Variants in NIN observed in about 807,000 individuals in gnomAD.
NIN encodes the protein glycogen synthase kinase 3 beta-interacting protein.
NIN carries 137 observed loss-of-function variants against 257.6 expected under a neutral mutation model. The ratio of observed to expected loss-of-function variants is 0.53; its 90% CI spans 0.46 to 0.61. The LOEUF (loss-of-function observed/expected upper bound fraction) is 0.61, where lower values mean the gene tolerates loss of function less well. NIN is among the 20% of genes least tolerant of loss of function. NIN has a pLI of 0.00. For missense variants in NIN, 2,439 were observed against 2,501.2 expected (o/e 0.98, Z 0.53); for synonymous variants, 918 against 919.8 (o/e 1.00, Z 0.04).
At chr14:50,762,372 C>A (rs759942650) in intron 15 of NIN, among the ~76,000 whole-genome samples, 8 of 152,176 alleles carry the variant, frequency 5.3e-5, no homozygotes, top group Non-Finnish European at 8.8e-5. Flanking sequence ...GAGGAGTTAG[C>A]TTCATGGGTC....
intron 2 of NIN, among the ~76,000 whole-genome samples, chr14:50,827,623 G>A (rs1465940638): frequency 6.6e-6 from 1 of 151,176 alleles, no homozygotes; most frequent in Non-Finnish European, 1.5e-5. Flanking sequence ...TAGGTGTGGT[G>A]GCGCACACCT....
At chr14:50,740,622 A>G (rs2041238014) in intron 25 of NIN, among the ~76,000 whole-genome samples, 1 of 152,152 alleles carries the variant, frequency 6.6e-6, no homozygotes, top group Non-Finnish European at 1.5e-5. Flanking sequence ...TGCTGGGATT[A>G]CAAGCGTGAG....
rs2040246274 is a variant in NIN at position 50,720,295 on chromosome 14, T to G, written c.*3168A>C. On this transcript the variant is annotated 3_prime_UTR_variant, in exon 31 of 31. Transcript: ENST00000530997. ...CTTGCTTAATACTATCACAAAGCAC[T>G]TAGCCTTGCCTTGACTGGAAATACC... The G allele has an allele frequency of 4.5e-6, 1 of 221,654 alleles. No homozygotes were observed. The highest frequency in any genetic ancestry group is 2.2e-5 in the African/African-American group (1 of 44,722). The allele number at this position is 221,654 out of a possible 1,614,324, so 13.7% of individuals were successfully genotyped here. A position where few individuals can be genotyped will look rare whatever the true frequency, so the allele number is the denominator to read the frequency against.
intron 2 of NIN, among the ~76,000 whole-genome samples, chr14:50,828,524 A>G (rs2045564435): frequency 6.6e-6 from 1 of 152,220 alleles, no homozygotes; most frequent in Non-Finnish European, 1.5e-5. Context: ...TAGAATTCAA[A>G]CCAGATAATT....
intron 2 of NIN, chr14:50,823,341 A>G (rs1269588631): frequency 7.6e-6 from 4 of 525,550 alleles, no homozygotes; most frequent in Admixed American, 2.4e-5. Context: ...CTTTGACTAT[A>G]AAAAAAGCAG....
At position 50,753,315 on chromosome 14, in the gene NIN, G is replaced by A. The variant is rs151225714; in HGVS notation, c.4735-582C>T. On this transcript the variant is annotated intron_variant, in intron 20 of 30. Coordinates refer to ENST00000530997, the MANE Select transcript of NIN (RefSeq NM_020921.4). ...TTTGGGAGGCTGAGACAGGAGAATC[G>A]CTTGAACCCAGGGGGCAGAAGTTGC... is the stretch of plus-strand genomic sequence containing the variant. Among the ~76,000 whole-genome samples, 968 of 152,284 alleles carry A rather than the reference G, an allele frequency of 6.4e-3. 4 individuals are homozygous for A. The highest frequency in any genetic ancestry group is 9.7e-3 in the Non-Finnish European group (662 of 68,014).
At chr14:50,767,477 C>T (rs1210784625) in intron 12 of NIN, among the ~76,000 whole-genome samples, 1 of 151,972 alleles carries the variant, frequency 6.6e-6, no homozygotes, top group Non-Finnish European at 1.5e-5. Flanking sequence ...TACAAAATAC[C>T]TTGTTCAGCT....
At chr14:50,819,059 G>C (rs539330236) in intron 3 of NIN, among the ~76,000 whole-genome samples, 2 of 152,266 alleles carry the variant, frequency 1.3e-5, no homozygotes, top group East Asian at 3.9e-4. Flanking sequence ...AGGTGGATTT[G>C]TATTTGATTT....
At chr14:50,782,253 T>G (rs775233054) in intron 5 of NIN, among the ~76,000 whole-genome samples, 40 of 152,228 alleles carry the variant, frequency 2.6e-4, no homozygotes, top group Admixed American at 2.6e-4. Flanking sequence ...AAAATGTTCA[T>G]ACTTTTTGAT....
intron 2 of NIN, chr14:50,823,227 C>T (rs1048063730): frequency 1.7e-6 from 1 of 575,252 alleles, no homozygotes; most frequent in Admixed American, 1.9e-5. Context: ...CTGAAACCTG[C>T]ACATCTGAAG....
At chr14:50,819,110 T>A (rs558943360) in intron 3 of NIN, among the ~76,000 whole-genome samples, 1 of 152,186 alleles carries the variant, frequency 6.6e-6, no homozygotes, top group South Asian at 2.1e-4. Context: ...TAAGTCAACA[T>A]AGAGGAAGCT....
At chr14:50,776,349 C>A (rs1346223354) in intron 7 of NIN, among the ~76,000 whole-genome samples, 3 of 152,148 alleles carry the variant, frequency 2.0e-5, no homozygotes, top group Non-Finnish European at 4.4e-5. Context: ...ATTTTCAAAA[C>A]AACCAAACTA....
intron 3 of NIN, among the ~76,000 whole-genome samples, chr14:50,808,746 G>C (rs1433343057): frequency 6.6e-6 from 1 of 152,192 alleles, no homozygotes; most frequent in Non-Finnish European, 1.5e-5. Context: ...CAGCTGCTAA[G>C]AGCACTGCAT....
chr14:50,747,272 G>A (rs1183656721), intron 22 of NIN, among the ~76,000 whole-genome samples: 1 of 152,172 alleles, frequency 6.6e-6, no homozygotes, highest in African/African-American at 2.4e-5. Flanking sequence ...AAAGGCAGAA[G>A]GATCAGTTTC....
chr14:50,744,304 T>C lies in NIN; in HGVS notation c.5126A>G (p.Asn1709Ser), dbSNP rs387907308. The C allele has an allele frequency of 5.8e-5, 93 of 1,614,050 alleles. No homozygotes were observed. In the Admixed American group the frequency reaches 1.5e-3, roughly 27 times the overall value. ...QQKISSVLSY[N>S]EKLLKEKEAL... Reference sequence around the variant, plus strand: ...TTCCTTTTCTTTCAGCAGTTTTTCGTTGTAGCTTAGAACACTAGAGATTTT... The same window carrying C: ...TTCCTTTTCTTTCAGCAGTTTTTCGCTGTAGCTTAGAACACTAGAGATTTT... The change falls in exon 23 of 31, where the codon AAC becomes AGC. Residue 1709 changes from asparagine (N) to serine (S), a missense_variant. This residue lies in a region of NIN where 2,043 missense variants were observed against 2,050.2 expected (regional missense o/e 1.00). Coordinates refer to ENST00000530997, the MANE Select transcript of NIN (RefSeq NM_020921.4).
intron 12 of NIN, among the ~76,000 whole-genome samples, chr14:50,767,633 C>CAT (rs2042548603): frequency 1.3e-5 from 2 of 151,886 alleles, no homozygotes; most frequent in African/African-American, 2.4e-5. Context: ...CTGGCGAACA[C>CAT]GGTGAAACCC....
rs2042507492 is a variant in NIN, at chr14:50,766,833, C to T, written c.1492G>A (p.Glu498Lys). The T allele has an allele frequency of 1.2e-6, 2 of 1,614,034 alleles. No homozygotes were observed. Among genetic ancestry groups the T allele is most frequent in the East Asian group, 2.2e-5 (1 of 44,868 alleles). Residue 498 changes from glutamate (E) to lysine (K), a missense_variant, in exon 13 of 31, where the codon GAG becomes AAG. By Grantham distance (56) the Glu-to-Lys change is moderately conservative. This residue lies in a region of NIN where 2,043 missense variants were observed against 2,050.2 expected (regional missense o/e 1.00). Coordinates refer to ENST00000530997, the MANE Select transcript of NIN (RefSeq NM_020921.4). ...CTCTGAAGTTTGTTTGTCAGATTCT[C>T]ATATTCTGCCAACTTCTCTGCATTT... Reference protein sequence around the residue: ...LENAEKLAEYENLTNKLQRNL... With the variant: ...LENAEKLAEYKNLTNKLQRNL...
At chr14:50,733,493 T>C (rs1475481891) in intron 28 of NIN, among the ~76,000 whole-genome samples, 2 of 152,216 alleles carry the variant, frequency 1.3e-5, no homozygotes, top group African/African-American at 4.8e-5. Flanking sequence ...TTTCCTTAGC[T>C]GTTCGGCTCC....
At position 50,728,729 on chromosome 14, in the gene NIN, C is replaced by G. The variant is rs74914156; in HGVS notation, c.6078+794G>C. Reference sequence around the variant, plus strand: ...TAGGCAAGCTGCAAGAGTTAAACTTCTGAGAAAGGATGATGAATGAAGCAT... The same window carrying G: ...TAGGCAAGCTGCAAGAGTTAAACTTGTGAGAAAGGATGATGAATGAAGCAT... On this transcript the variant is annotated intron_variant, in intron 29 of 30. Coordinates refer to ENST00000530997, the MANE Select transcript of NIN (RefSeq NM_020921.4). 8.0e-3 allele frequency among the ~76,000 whole-genome samples: 1,216 copies of G among 152,266 alleles called. 17 individuals are homozygous for G. Among genetic ancestry groups the G allele is most frequent in the African/African-American group, 0.027 (1,129 of 41,546 alleles).
Sources: gnomAD v4.1 joint callset for allele counts (sites outside exome capture counted in the v4.1 genomes callset) on GRCh38, gnomAD v4.1.1 for gene constraint, gnomAD v4.1.1 regional missense constraint, MANE v1.5 for transcripts, NCBI Gene and HGNC (gene_info 2026-07-23, HGNC 2026-07-21) for gene names.